Variants in DMD observed in about 807,000 individuals in gnomAD.
The protein encoded by DMD is mutant dystrophin.
DMD carries 63 observed loss-of-function variants against 330.1 expected under a neutral mutation model. That is an observed-to-expected ratio of 0.19 (90% CI 0.16 to 0.24). DMD has a LOEUF of 0.24. DMD is among the 10% of genes least tolerant of loss of function. DMD has a pLI of 1.00. For synonymous variants in DMD, 1,223 were observed against 959.8 expected (o/e 1.27, Z -5.07); for missense variants, 3,344 against 2,684.1 (o/e 1.25, Z -5.43).
At chrX:31,527,823 C>G (rs1385969292) in intron 55 of DMD, among the ~76,000 whole-genome samples, 1 of 111,536 alleles carries the variant, frequency 9.0e-6, no homozygotes, top group Non-Finnish European at 1.9e-5. Context: ...CTTATTGGAT[C>G]AGTTCTATAT....
intron 55 of DMD, among the ~76,000 whole-genome samples, chrX:31,560,440 C>T (rs765584817): frequency 8.9e-6 from 1 of 111,885 alleles, no homozygotes; most frequent in Non-Finnish European, 1.9e-5. Flanking sequence ...GTTATCATAC[C>T]TTGGCTAAGG....
intron 29 of DMD, among the ~76,000 whole-genome samples, chrX:32,436,813 G>C (rs1312243184): frequency 9.1e-6 from 1 of 109,924 alleles, no homozygotes; most frequent in Non-Finnish European, 1.9e-5. Context: ...ATAACCGGGA[G>C]TGGCAGCATG....
intron 39 of DMD, among the ~76,000 whole-genome samples, chrX:32,343,692 T>C (rs914814270): frequency 9.8e-5 from 11 of 111,774 alleles, no homozygotes; most frequent in African/African-American, 3.6e-4. Context: ...TTCTAAAATG[T>C]ATATCTTTAG....
At chrX:32,286,786 C>A (rs1445027784) in intron 43 of DMD, among the ~76,000 whole-genome samples, 1 of 111,246 alleles carries the variant, frequency 9.0e-6, no homozygotes, top group Non-Finnish European at 1.9e-5. Context: ...TGGAGGTTCC[C>A]TATAATTATT....
chrX:33,186,326 T>G (rs762144504), intron 1 of DMD, among the ~76,000 whole-genome samples: 1 of 112,180 alleles, frequency 8.9e-6, no homozygotes, highest in East Asian at 2.8e-4. Context: ...ATTTGAGATC[T>G]ATTTTCTGTA....
chrX:31,338,962 A>C (rs1453946875), intron 61 of DMD, among the ~76,000 whole-genome samples: 5 of 100,481 alleles, frequency 5.0e-5, no homozygotes, highest in Non-Finnish European at 8.0e-5. Context: ...AAAAAAAAAA[A>C]AAACAAAGTG....
intron 45 of DMD, among the ~76,000 whole-genome samples, chrX:31,962,786 G>C (rs2095318197): frequency 1.8e-5 from 2 of 111,495 alleles, no homozygotes; most frequent in South Asian, 7.5e-4. Context: ...TGGATGGAGA[G>C]TCAAGGTCTA....
intron 45 of DMD, 117 bp from the exon 46 acceptor site, chrX:31,932,344 T>A: frequency 1.9e-6 from 1 of 524,587 alleles, no homozygotes; most frequent in Non-Finnish European, 3.1e-6. Context: ...TAAAAGATGT[T>A]AACCATACAT....
At chrX:32,245,557 T>A (rs112245548) in intron 43 of DMD, among the ~76,000 whole-genome samples, 1 of 78,977 alleles carries the variant, frequency 1.3e-5, no homozygotes, top group South Asian at 7.8e-4. Flanking sequence ...TTGGGCAGTA[T>A]GGCCATTTTC....
intron 2 of DMD, among the ~76,000 whole-genome samples, chrX:32,939,297 A>G (rs2146792354): frequency 9.2e-6 from 1 of 108,995 alleles, no homozygotes; most frequent in South Asian, 3.9e-4. Flanking sequence ...AGATATATAT[A>G]TGCAGGAAGA....
intron 47 of DMD, among the ~76,000 whole-genome samples, chrX:31,927,006 A>G (rs2094788077): frequency 8.9e-6 from 1 of 111,876 alleles, no homozygotes; most frequent in African/African-American, 3.2e-5. Context: ...ACTGTCTGCC[A>G]GTGTTATAAG....
At chrX:31,607,422 C>T (rs1015141470) in intron 55 of DMD, among the ~76,000 whole-genome samples, 58 of 112,048 alleles carry the variant, frequency 5.2e-4, no homozygotes, top group African/African-American at 1.7e-3. Context: ...AGCCAATCTC[C>T]CAGAATTTTG....
chrX:31,853,616 G>T (rs1157923198), intron 48 of DMD, among the ~76,000 whole-genome samples: 3 of 111,236 alleles, frequency 2.7e-5, no homozygotes, highest in Admixed American at 9.5e-5. Flanking sequence ...ATCTGTATGA[G>T]AATTTGTACT....
chrX:32,955,168 C>T (rs548947955), intron 2 of DMD, among the ~76,000 whole-genome samples: 3 of 111,842 alleles, frequency 2.7e-5, no homozygotes, highest in Non-Finnish European at 3.8e-5. Flanking sequence ...ACAATGTATA[C>T]GTGCTCCTTT....
chrX:32,313,040 T>A (rs766403491), intron 41 of DMD, among the ~76,000 whole-genome samples: 161 of 102,583 alleles, frequency 1.6e-3, no homozygotes, highest in Non-Finnish European at 2.8e-3. Context: ...CCTCTAAAAC[T>A]ATTCCAAGCA....
intron 9 of DMD, among the ~76,000 whole-genome samples, chrX:32,684,320 C>A (rs1416193963): frequency 2.7e-5 from 3 of 111,452 alleles, no homozygotes; most frequent in Admixed American, 9.6e-5. Flanking sequence ...TCAGTGCTAT[C>A]TTTACAGCAT....
At chrX:32,732,270 C>T (rs962205424) in intron 7 of DMD, among the ~76,000 whole-genome samples, 5 of 110,503 alleles carry the variant, frequency 4.5e-5, no homozygotes, top group African/African-American at 1.7e-4. Context: ...TGTGAAAAGA[C>T]CAAATCTACG....
intron 44 of DMD, among the ~76,000 whole-genome samples, chrX:32,087,106 A>G (rs1029793962): frequency 8.0e-5 from 9 of 111,978 alleles, no homozygotes; most frequent in African/African-American, 2.6e-4. Context: ...GAAAGAGTAT[A>G]ATGTAAAATA....
intron 44 of DMD, among the ~76,000 whole-genome samples, chrX:32,176,275 T>TTG (rs2096906162): frequency 8.9e-6 from 1 of 112,324 alleles, no homozygotes; most frequent in Admixed American, 9.4e-5. Context: ...CTATCCCTGC[T>TTG]TACTAAAATT....
Sources: gnomAD v4.1 joint callset for allele counts (sites outside exome capture counted in the v4.1 genomes callset) on GRCh38, gnomAD v4.1.1 for gene constraint, MANE v1.5 for transcripts, NCBI Gene and HGNC (gene_info 2026-07-23, HGNC 2026-07-21) for gene names.